The following PACC1 variants were observed in gnomAD, a reference collection of about 807,000 sequenced individuals.
The protein encoded by PACC1 is proton-activated chloride channel.
A neutral mutation model predicts 39.7 loss-of-function variants in PACC1; 34 were observed. That is an observed-to-expected ratio of 0.86 (90% confidence interval 0.65 to 1.14). The LOEUF (loss-of-function observed/expected upper bound fraction) is 1.14, where lower values mean the gene tolerates loss of function less well. Among genes scored for constraint, PACC1 ranks in the 50% most tolerant of loss-of-function variants. The pLI is 0.00. For synonymous variants in PACC1, 127 were observed against 160.6 expected (o/e 0.79, Z 1.58); for missense variants, 379 against 436.4 (o/e 0.87, Z 1.17).
intron 2 of PACC1, among the ~76,000 whole-genome samples, chr1:212,406,295 T>A (rs1354860270): frequency 3.3e-5 from 5 of 152,058 alleles, no homozygotes; most frequent in African/African-American, 1.2e-4. Context: ...GGCAGGTGGA[T>A]CACTTGAGGT....
chr1:212,366,809 C>A (rs770886064), intron 7 of PACC1, among the ~76,000 whole-genome samples: 10 of 152,210 alleles, frequency 6.6e-5, no homozygotes, highest in Admixed American at 1.3e-4. Context: ...AGCCTCTGCA[C>A]ATCCCTCTTC....
intron 6 of PACC1, among the ~76,000 whole-genome samples, chr1:212,376,361 T>G (rs1437984507): frequency 1.3e-5 from 2 of 152,224 alleles, no homozygotes; most frequent in Non-Finnish European, 2.9e-5. Flanking sequence ...GAGCTCATAA[T>G]GCCAACAAAA....
chr1:212,378,752 G>A (rs1294297996), intron 5 of PACC1, among the ~76,000 whole-genome samples: 1 of 152,138 alleles, frequency 6.6e-6, no homozygotes, highest in African/African-American at 2.4e-5. Flanking sequence ...CAGAGATGCA[G>A]TAGACCCTTG....
chr1:212,375,431 G>A (rs1401192813), intron 6 of PACC1, 131 bp from the exon 7 acceptor site: 3 of 609,338 alleles, frequency 4.9e-6, no homozygotes, highest in Non-Finnish European at 8.9e-6. Flanking sequence ...TTTGGAGAGA[G>A]AGTGGCAAAA....
At chr1:212,368,477 A>G (rs1660323864) in intron 7 of PACC1, among the ~76,000 whole-genome samples, 1 of 152,198 alleles carries the variant, frequency 6.6e-6, no homozygotes, top group Non-Finnish European at 1.5e-5. Context: ...AGGAACTTCA[A>G]TGAAACACAA....
In PACC1 at chr1:212,385,367, G is replaced by T; in HGVS notation, c.402C>A (p.Val134=). ...GGCCAGGGCTTGTCAGAGGAGGAAT[G>T]ACCTCGTAATGGTGCTTACAGCTGA... The part of the protein sequence containing the change: ...QLLSCKHHYE[V]IPPLTSPGQP... Residue 134 remains valine (V), a synonymous_variant, in exon 4 of 8, where the codon GTC becomes GTA. Transcript: ENST00000261455. The T allele has an allele frequency of 6.2e-7, 1 of 1,614,104 alleles. No individual in the cohort carries two copies. Among genetic ancestry groups the T allele is most frequent in the Non-Finnish European group, 8.5e-7 (1 of 1,180,002 alleles).
chr1:212,380,975 A>C (rs191844280), intron 4 of PACC1, among the ~76,000 whole-genome samples: 1 of 152,356 alleles, frequency 6.6e-6, no homozygotes, highest in East Asian at 1.9e-4. Flanking sequence ...AACTTTTATA[A>C]ATAAATGCTC....
chr1:212,388,753 C>T (rs115001978), intron 2 of PACC1, among the ~76,000 whole-genome samples: 1,647 of 152,276 alleles, frequency 0.011, 36 homozygotes, highest in African/African-American at 0.037. Flanking sequence ...GTTTATGCCA[C>T]TCAACTGTGG....
At chr1:212,383,408 T>C (rs1660979181) in intron 4 of PACC1, among the ~76,000 whole-genome samples, 1 of 152,196 alleles carries the variant, frequency 6.6e-6, no homozygotes, top group African/African-American at 2.4e-5. Flanking sequence ...CCACGAGTTT[T>C]CATTAGCGTG....
intron 7 of PACC1, among the ~76,000 whole-genome samples, chr1:212,372,363 A>G (rs1388976481): frequency 6.6e-6 from 1 of 152,104 alleles, no homozygotes; most frequent in African/African-American, 2.4e-5. Context: ...ATACCACAAT[A>G]AAGGCCATAC....
In PACC1 at chr1:212,377,711, G is replaced by A. The variant is rs1454113926; in HGVS notation, c.639-5C>T. The A allele has an allele frequency of 6.2e-7, 1 of 1,613,856 alleles. No homozygotes were observed. Among genetic ancestry groups the A allele is most frequent in the East Asian group, 2.2e-5 (1 of 44,876 alleles). ...ATGAAGCCTACCCTGTTTGGGCTTG[G>A]AGGAAGGAAGGAGAAGGAAGATCCA... On this transcript the variant is annotated splice_polypyrimidine_tract_variant and splice_region_variant and intron_variant, in intron 5 of 7. Coordinates refer to ENST00000261455, the MANE Select transcript of PACC1 (RefSeq NM_018252.3).
chr1:212,379,110 A>AT (rs1202890284), intron 5 of PACC1, among the ~76,000 whole-genome samples: 1 of 151,702 alleles, frequency 6.6e-6, no homozygotes, highest in Non-Finnish European at 1.5e-5. Flanking sequence ...CGCCTGGCTA[A>AT]TTTTTTGTAT....
chr1:212,365,492 G>A (rs1208396481), intron 7 of PACC1, 116 bp from the exon 8 acceptor site: 33 of 1,100,148 alleles, frequency 3.0e-5, no homozygotes, highest in South Asian at 1.0e-4. Context: ...TGTGCGTGGC[G>A]CAATCTCGGC....
intron 2 of PACC1, among the ~76,000 whole-genome samples, chr1:212,391,767 C>A (rs1661327085): frequency 1.3e-5 from 2 of 152,094 alleles, no homozygotes; most frequent in East Asian, 1.9e-4. Flanking sequence ...GGAGCTGAAA[C>A]CCATGGCATG....
intron 1 of PACC1, chr1:212,414,152 G>A (rs965882258): frequency 2.1e-6 from 3 of 1,431,624 alleles, no homozygotes; most frequent in Non-Finnish European, 1.8e-6. Flanking sequence ...GAGACTGGAG[G>A]GAGAGACGAA....
chr1:212,368,916 C>T (rs1414552452), intron 7 of PACC1, among the ~76,000 whole-genome samples: 1 of 151,558 alleles, frequency 6.6e-6, no homozygotes, highest in East Asian at 1.9e-4. Context: ...CCTGCAGTCC[C>T]AGCTACTCGG....
intron 4 of PACC1, among the ~76,000 whole-genome samples, chr1:212,384,800 G>T (rs1661036278): frequency 6.6e-6 from 1 of 152,192 alleles, no homozygotes; most frequent in Non-Finnish European, 1.5e-5. Flanking sequence ...AGGAGTCCTT[G>T]TCCCCAGACC....
At chr1:212,384,713 C>T (rs761554813) in intron 4 of PACC1, among the ~76,000 whole-genome samples, 3 of 152,194 alleles carry the variant, frequency 2.0e-5, no homozygotes, top group South Asian at 2.1e-4. Context: ...TCCTCCAGGG[C>T]GCTCCTAACC....
chr1:212,380,795 C>G (rs1660849297), intron 4 of PACC1, among the ~76,000 whole-genome samples: 1 of 152,170 alleles, frequency 6.6e-6, no homozygotes, highest in Admixed American at 6.5e-5. Context: ...GGAAGGTGCT[C>G]TCCCTACTAC....
Sources: allele counts gnomAD v4.1 joint callset (sites outside exome capture counted in the v4.1 genomes callset), GRCh38; gene constraint gnomAD v4.1.1; transcripts MANE v1.5; gene names NCBI Gene and HGNC (gene_info 2026-07-23, HGNC 2026-07-21).